Variants in RYR2 observed in about 807,000 individuals in gnomAD.
The protein encoded by RYR2 is cardiac muscle ryanodine receptor-calcium release channel.
In RYR2, 227 loss-of-function variants were observed where a neutral mutation model predicts 601.1. The observed-to-expected ratio is 0.38, with a 90% CI of 0.34 to 0.42. RYR2 has a LOEUF of 0.42. RYR2 is among the 10% of genes least tolerant of loss of function. The pLI, the probability that RYR2 is intolerant of heterozygous loss-of-function variation, is 1.00. For synonymous variants in RYR2, 2,223 were observed against 2,175.1 expected, an observed-to-expected ratio of 1.02 and a Z score of -0.61; for missense variants, 4,646 against 6,156.5, an observed-to-expected ratio of 0.75 and a Z score of 8.21.
chr1:237,224,792 G>A (rs774294076), intron 1 of RYR2, among the ~76,000 whole-genome samples: 21 of 152,252 alleles, frequency 1.4e-4, no homozygotes, highest in Middle Eastern at 3.4e-3. Context: ...CCCAGGAGTT[G>A]GAGGCTGCAG....
chr1:237,548,788 CAT>C (rs1187232195), intron 26 of RYR2, among the ~76,000 whole-genome samples, 198 bp downstream of exon 26: 18 of 152,148 alleles, frequency 1.2e-4, no homozygotes, highest in African/African-American at 3.6e-4. Context: ...ATCGTGAACA[CAT>C]GTGAGGCACA....
intron 12 of RYR2, among the ~76,000 whole-genome samples, chr1:237,436,872 T>G (rs1321626431): frequency 6.7e-6 from 1 of 149,550 alleles, no homozygotes; most frequent in Admixed American, 6.8e-5. Context: ...TAGTTTTATA[T>G]ATCTAGTATG....
Position 237,188,255 on chromosome 1 carries a change from CT to C in RYR2, c.49-82232del, listed in dbSNP as rs11446271. Among the ~76,000 whole-genome samples, 6 of 149,016 alleles carry C rather than the reference CT, an allele frequency of 4.0e-5. No homozygotes were observed. In the East Asian group the frequency reaches 1.2e-3, roughly 29 times the overall value. On this transcript the variant is annotated intron_variant, in intron 1 of 104. Transcript: ENST00000366574. ...GTTGTTTCTTTAAAGTTCAGCATTG[CT>C]TTTTTTTTTCACCTATTCATTCTTG...
In RYR2 at chr1:237,687,384, T is replaced by TA. The variant is rs1553282914; in HGVS notation, c.9018-69dup. On this transcript the variant is annotated intron_variant, in intron 62 of 104. Coordinates refer to ENST00000366574, the MANE Select transcript of RYR2 (RefSeq NM_001035.3). The stretch of plus-strand genomic sequence containing the variant: ...TCTTCTTCTTTTTTTTTTTTTTTTT[T>TA]AATTTCCCCCTGTCTTTTCTACCTT... 60 of 662,264 alleles carry TA rather than the reference T, an allele frequency of 9.1e-5. 1 individual carries two copies. The highest frequency in any genetic ancestry group is 8.9e-4 in the Admixed American group (26 of 29,286). 41.0% of individuals were successfully genotyped at this position (662,264 alleles called of 1,614,324 possible). A position where few individuals can be genotyped will look rare whatever the true frequency, so the allele number is the denominator to read the frequency against.
intron 1 of RYR2, among the ~76,000 whole-genome samples, chr1:237,153,961 G>A (rs1374910374): frequency 6.6e-6 from 1 of 152,068 alleles, no homozygotes; most frequent in Non-Finnish European, 1.5e-5. Context: ...TCATTCTAAA[G>A]GACAGTAGAT....
At chr1:237,654,613 C>T (rs1316333879) in intron 52 of RYR2, among the ~76,000 whole-genome samples, 199 bp downstream of exon 52, 1 of 152,086 alleles carries the variant, frequency 6.6e-6, no homozygotes, top group Non-Finnish European at 1.5e-5. Flanking sequence ...TAGCATTTTC[C>T]TTGTGATCAT....
chr1:237,314,388 G>A (rs952966950), intron 2 of RYR2, among the ~76,000 whole-genome samples: 5 of 152,088 alleles, frequency 3.3e-5, no homozygotes, highest in African/African-American at 1.2e-4. Context: ...AGGCAAAAAT[G>A]CTTTCACATA....
At chr1:237,313,763 G>A (rs1694810411) in intron 2 of RYR2, among the ~76,000 whole-genome samples, 1 of 152,070 alleles carries the variant, frequency 6.6e-6, no homozygotes, top group African/African-American at 2.4e-5. Context: ...CTCTACTTTA[G>A]TTTCTAACTT....
At chr1:237,643,305 T>C (rs1307523518) in intron 47 of RYR2, 22 bp from the exon 48 acceptor site, 3 of 1,605,818 alleles carry the variant, frequency 1.9e-6, no homozygotes, top group Admixed American at 1.7e-5. Context: ...GTTGTTCTAA[T>C]GTTTTTTTTT....
chr1:237,681,518 G>C (rs970879597), intron 62 of RYR2, among the ~76,000 whole-genome samples: 1 of 152,180 alleles, frequency 6.6e-6, no homozygotes, highest in Non-Finnish European at 1.5e-5. Context: ...CAAGTGGCCA[G>C]TCATGTGATA....
At chr1:237,229,052 T>C (rs1032818203) in intron 1 of RYR2, among the ~76,000 whole-genome samples, 12 of 152,154 alleles carry the variant, frequency 7.9e-5, no homozygotes, top group African/African-American at 2.9e-4. Context: ...AGGCCTGTGG[T>C]GGAGCTCCTT....
intron 22 of RYR2, 44 bp downstream of exon 22, chr1:237,503,549 T>C (rs1002159155): frequency 3.8e-6 from 6 of 1,584,218 alleles, no homozygotes; most frequent in Non-Finnish European, 5.2e-6. Flanking sequence ...ATTGCAGTCA[T>C]GCTGATACAC....
At chr1:237,208,946 A>G (rs1169860470) in intron 1 of RYR2, among the ~76,000 whole-genome samples, 1,445 of 49,672 alleles carry the variant, frequency 0.029, 63 homozygotes, top group African/African-American at 0.057. Context: ...GTATATATAT[A>G]TATATATATA....
intron 58 of RYR2, among the ~76,000 whole-genome samples, chr1:237,669,121 A>G (rs1086606): frequency 0.076 from 8,465 of 111,820 alleles, 525 homozygotes; most frequent in Middle Eastern, 0.21. Context: ...AACAAAGCAC[A>G]TCTTGCACCG....
chr1:237,227,568 G>A (rs369052367), intron 1 of RYR2, among the ~76,000 whole-genome samples: 1 of 152,198 alleles, frequency 6.6e-6, no homozygotes, highest in Non-Finnish European at 1.5e-5. Context: ...GTGTCTGGGT[G>A]GAGTTTGCAT....
intron 1 of RYR2, among the ~76,000 whole-genome samples, chr1:237,133,663 A>C (rs964703906): frequency 2.0e-5 from 3 of 152,148 alleles, no homozygotes; most frequent in African/African-American, 4.8e-5. Context: ...AAGAAGTGGG[A>C]GTCGGCCAGG....
rs575552606 is a variant in RYR2 at position 237,502,213 on chromosome 1, C to T, written c.2397-1076C>T. 1.8e-3 allele frequency among the ~76,000 whole-genome samples: 279 copies of T among 152,130 alleles called. 2 individuals carry two copies. Among genetic ancestry groups the T allele is most frequent in the African/African-American group, 6.3e-3 (262 of 41,484 alleles). ...AAATTTAAATTTATTTTTGTAAACC[C>T]GAGGGCCCCAGGAAATATATATCAT... On this transcript the variant is annotated intron_variant, in intron 21 of 104. Coordinates refer to ENST00000366574, the MANE Select transcript of RYR2 (RefSeq NM_001035.3).
chr1:237,456,490 G>A, intron 15 of RYR2, 110 bp from the exon 16 acceptor site: 1 of 1,181,264 alleles, frequency 8.5e-7, no homozygotes, highest in Non-Finnish European at 1.1e-6. Flanking sequence ...ATTAGTAGAT[G>A]AACCTTCAGT....
intron 16 of RYR2, among the ~76,000 whole-genome samples, chr1:237,458,352 C>T (rs1659082941): frequency 6.6e-6 from 1 of 152,130 alleles, no homozygotes; most frequent in African/African-American, 2.4e-5. Context: ...CCATTTGAAC[C>T]CGGGAAGCAG....
Sources: gnomAD v4.1 joint callset for allele counts (sites outside exome capture counted in the v4.1 genomes callset) on GRCh38, gnomAD v4.1.1 for gene constraint, MANE v1.5 for transcripts, NCBI Gene and HGNC (gene_info 2026-07-23, HGNC 2026-07-21) for gene names.